The following KIF26B variants were observed in gnomAD, a reference collection of about 807,000 sequenced individuals.
KIF26B encodes the protein kinesin family member 26B.
In KIF26B, 63 loss-of-function variants were observed where a neutral mutation model predicts 151.2. That is an observed-to-expected ratio of 0.42 (90% CI 0.34 to 0.51). The LOEUF (loss-of-function observed/expected upper bound fraction) is 0.51. KIF26B is among the 20% of genes least tolerant of loss of function. The pLI is 0.07. For synonymous variants in KIF26B, 1,357 were observed against 1,262.1 expected (o/e 1.08, Z -1.59); for missense variants, 2,813 against 2,913.6 (o/e 0.97, Z 0.79).
chr1:245,286,050 A>G (rs1573753576), intron 2 of KIF26B, among the ~76,000 whole-genome samples: 1 of 151,276 alleles, frequency 6.6e-6, no homozygotes, highest in Non-Finnish European at 1.5e-5. Context: ...GAACATCAGG[A>G]GAATGCCAAC....
chr1:245,631,272 A>G (rs1179284949), intron 9 of KIF26B, among the ~76,000 whole-genome samples: 1 of 152,196 alleles, frequency 6.6e-6, no homozygotes, highest in East Asian at 1.9e-4. Context: ...TTTGTCATAT[A>G]TGACCTTTGC....
chr1:245,641,295 T>A (rs539122407), intron 9 of KIF26B, among the ~76,000 whole-genome samples: 2 of 148,784 alleles, frequency 1.3e-5, no homozygotes, highest in African/African-American at 5.1e-5. Context: ...AGTTTAATTA[T>A]AATATGTCTT....
chr1:245,591,059 G>C (rs1209004778), intron 5 of KIF26B, among the ~76,000 whole-genome samples: 1 of 152,164 alleles, frequency 6.6e-6, no homozygotes, highest in Non-Finnish European at 1.5e-5. Context: ...GGGAAGCAGT[G>C]AGGAATGGGC....
chr1:245,301,366 T>G (rs1433196931), intron 2 of KIF26B, among the ~76,000 whole-genome samples: 1 of 152,234 alleles, frequency 6.6e-6, no homozygotes, highest in Non-Finnish European at 1.5e-5. Context: ...CATTTCCTAT[T>G]GTGCATTCCT....
intron 4 of KIF26B, among the ~76,000 whole-genome samples, chr1:245,497,892 T>C (rs1660544005): frequency 1.3e-5 from 2 of 152,272 alleles, no homozygotes; most frequent in South Asian, 4.1e-4. Flanking sequence ...TACAGGCATG[T>C]GCCACCACAC....
intron 2 of KIF26B, among the ~76,000 whole-genome samples, chr1:245,304,813 T>G (rs1671506703): frequency 6.6e-6 from 1 of 151,874 alleles, no homozygotes; most frequent in South Asian, 2.1e-4. Context: ...CCAAACTGAG[T>G]GATTCATGAT....
At chr1:245,267,216 G>C (rs894525916) in intron 2 of KIF26B, among the ~76,000 whole-genome samples, 1 of 152,150 alleles carries the variant, frequency 6.6e-6, no homozygotes, top group Non-Finnish European at 1.5e-5. Flanking sequence ...CCTCACTGTG[G>C]CCATCTTCTC....
At position 245,303,420 on chromosome 1, in the gene KIF26B, G is replaced by A. The variant is rs562576570; in HGVS notation, c.466-63414G>A. Among the ~76,000 whole-genome samples, 38 of 150,358 alleles carry A rather than the reference G, an allele frequency of 2.5e-4. 1 individual carries two copies. The highest frequency in any genetic ancestry group is 8.7e-4 in the African/African-American group (35 of 40,186). On this transcript the variant is annotated intron_variant, in intron 2 of 14. Transcript: ENST00000407071. ...TCACCGTGTTAGCCAGGATGGTCTC[G>A]ATCTCCTGACCTCGTGATCCGCCCG...
chr1:245,437,145 C>G (rs1658955402), intron 4 of KIF26B, among the ~76,000 whole-genome samples: 1 of 152,160 alleles, frequency 6.6e-6, no homozygotes, highest in Non-Finnish European at 1.5e-5. Flanking sequence ...CCTTGGCCTC[C>G]CAAAGTGCTG....
At chr1:245,600,311 T>C (rs552293162) in intron 5 of KIF26B, among the ~76,000 whole-genome samples, 1 of 143,610 alleles carries the variant, frequency 7.0e-6, no homozygotes, top group Non-Finnish European at 1.5e-5. Context: ...GTGCTGGGAT[T>C]ACAGGCGTGA....
rs927398671 is a variant in KIF26B, at chr1:245,260,925, T to G, written c.465+104242T>G. Among the ~76,000 whole-genome samples, 4 of 152,254 alleles carry G rather than the reference T, an allele frequency of 2.6e-5. No individual in the cohort carries two copies. The East Asian group carries it at 7.7e-4, about 29-fold the overall frequency. On this transcript the variant is annotated intron_variant, in intron 2 of 14. Coordinates refer to ENST00000407071, the MANE Select transcript of KIF26B (RefSeq NM_018012.4). ...GACATAGCTCTCTGTAGATGCTTATTGATGACTGATTGGCTAACAGATGCA... is the reference window on the plus strand; with the variant it reads ...GACATAGCTCTCTGTAGATGCTTATGGATGACTGATTGGCTAACAGATGCA...
chr1:245,698,742 G>A lies in KIF26B; in HGVS notation c.6028-145G>A. On this transcript the variant is annotated intron_variant, in intron 13 of 14. Transcript: ENST00000407071. This position sits in a 1 kb window ranked among gnomAD's most constrained non-coding sequence, Gnocchi z 4.0. ...AGGTGTCTGAATTGAGGTCTGTCAA[G>A]GGAGAATTTGGTGGGGATGACCCAT... The A allele has an allele frequency of 1.0e-6, 1 of 959,606 alleles. No homozygotes were observed. The highest frequency in any genetic ancestry group is 1.5e-6 in the Non-Finnish European group (1 of 653,040). 59.4% of individuals were successfully genotyped at this position (959,606 alleles called of 1,614,324 possible). A position where few individuals can be genotyped will look rare whatever the true frequency, so the allele number is the denominator to read the frequency against.
At chr1:245,414,070 G>A (rs1282381045) in intron 3 of KIF26B, among the ~76,000 whole-genome samples, 2 of 152,228 alleles carry the variant, frequency 1.3e-5, no homozygotes, top group Admixed American at 1.3e-4. Flanking sequence ...TCTTGTGGCT[G>A]CCCACCTGGC....
chr1:245,651,773 C>T (rs554364836), intron 10 of KIF26B, among the ~76,000 whole-genome samples: 20 of 152,252 alleles, frequency 1.3e-4, no homozygotes, highest in African/African-American at 2.6e-4. Flanking sequence ...CTAGCCTGTG[C>T]GCTCCTTATG....
chr1:245,381,522 A>C (rs1205327874), intron 3 of KIF26B, among the ~76,000 whole-genome samples: 1 of 152,070 alleles, frequency 6.6e-6, no homozygotes, highest in Non-Finnish European at 1.5e-5. Context: ...ATCAGCTATC[A>C]TTAGTGTCAG....
At chr1:245,316,462 G>A (rs2102984955) in intron 2 of KIF26B, among the ~76,000 whole-genome samples, 1 of 152,214 alleles carries the variant, frequency 6.6e-6, no homozygotes, top group East Asian at 1.9e-4. Context: ...TTCCCCAAAT[G>A]AGACTAATTT....
intron 2 of KIF26B, among the ~76,000 whole-genome samples, chr1:245,233,907 C>T (rs545727129): frequency 1.2e-4 from 19 of 152,074 alleles, no homozygotes; most frequent in Admixed American, 3.3e-4. Flanking sequence ...TCGGGCTGGG[C>T]GCGGTGGCTC....
chr1:245,267,835 G>A (rs370980013), intron 2 of KIF26B, among the ~76,000 whole-genome samples: 3 of 152,288 alleles, frequency 2.0e-5, no homozygotes, highest in East Asian at 3.9e-4. Context: ...AGATATTTCT[G>A]GGTTGTGGGT....
At chr1:245,423,347 C>A (rs1333685784) in intron 4 of KIF26B, among the ~76,000 whole-genome samples, 1 of 152,120 alleles carries the variant, frequency 6.6e-6, no homozygotes, top group East Asian at 1.9e-4. Context: ...AGATGGTTCC[C>A]TGAGTTACTG....
Sources: gnomAD v4.1 joint callset for allele counts (sites outside exome capture counted in the v4.1 genomes callset) on GRCh38, gnomAD v4.1.1 for gene constraint, Gnocchi (gnomAD v3.1) non-coding constraint, MANE v1.5 for transcripts, NCBI Gene and HGNC (gene_info 2026-07-23, HGNC 2026-07-21) for gene names.